Variants in COL4A2 observed in about 807,000 individuals in gnomAD.
The protein encoded by COL4A2 is collagen type IV alpha 2 chain.
Under a neutral mutation model 200.2 loss-of-function variants are expected in COL4A2, and 99 were observed. That is an observed-to-expected ratio of 0.49 (90% CI 0.42 to 0.58). COL4A2 has a LOEUF of 0.58. Ranked by LOEUF, COL4A2 falls within the 20% of genes least tolerant of loss-of-function variation. The pLI is 0.00. For missense variants in COL4A2, 1,950 were observed against 2,314.1 expected (o/e 0.84, Z 3.23); for synonymous variants, 897 against 900.6 (o/e 1.00, Z 0.07).
intron 40 of COL4A2, among the ~76,000 whole-genome samples, chr13:110,501,200 G>A (rs905172568): frequency 5.3e-5 from 8 of 152,236 alleles, no homozygotes; most frequent in African/African-American, 1.4e-4. Flanking sequence ...GCTGGGATCC[G>A]AGGCACTGGA....
Position 110,307,866 on chromosome 13 carries a change from T to A in COL4A2, c.-38T>A. The A allele has an allele frequency of 1.2e-6, 2 of 1,603,228 alleles. No homozygotes were observed. The highest frequency in any genetic ancestry group is 1.7e-6 in the Non-Finnish European group (2 of 1,174,416). On this transcript the variant is annotated 5_prime_UTR_variant, in exon 2 of 48. Transcript: ENST00000360467. The surrounding 1 kb of genome is among the most constrained non-coding windows in gnomAD (Gnocchi z 5.0). ...CTTTGTCTGTCGCCTCTAGGCTAAG[T>A]GGGACTGACCGGGGCCCAGAGTGGA...
At chr13:110,393,131 A>G (rs1594188613) in intron 4 of COL4A2, among the ~76,000 whole-genome samples, 1 of 152,248 alleles carries the variant, frequency 6.6e-6, no homozygotes, top group Non-Finnish European at 1.5e-5. Flanking sequence ...TTGGCTTCAA[A>G]TCCCTTCTGG....
intron 4 of COL4A2, among the ~76,000 whole-genome samples, chr13:110,408,433 C>G (rs1307108719): frequency 6.6e-6 from 1 of 152,178 alleles, no homozygotes; most frequent in Non-Finnish European, 1.5e-5. Context: ...GAGAATGAAC[C>G]CACACTCTGG....
intron 3 of COL4A2, among the ~76,000 whole-genome samples, chr13:110,327,132 C>G (rs745892367): frequency 1.6e-4 from 25 of 152,156 alleles, no homozygotes; most frequent in Non-Finnish European, 3.4e-4. Flanking sequence ...ACCCCTCCTG[C>G]TCCAACTCTA....
chr13:110,358,329 A>T (rs1027697980), intron 4 of COL4A2, among the ~76,000 whole-genome samples: 1 of 152,186 alleles, frequency 6.6e-6, no homozygotes, highest in Non-Finnish European at 1.5e-5. Flanking sequence ...GTCCCACCAG[A>T]AGGTCTTCGG....
chr13:110,468,225 G>GT (rs1243427119), intron 27 of COL4A2: 1 of 471,342 alleles, frequency 2.1e-6, no homozygotes, highest in Non-Finnish European at 4.4e-6. Context: ...AAATGCAGAG[G>GT]TATCATTTGC....
intron 3 of COL4A2, among the ~76,000 whole-genome samples, chr13:110,346,546 C>G (rs780613861): frequency 6.6e-6 from 1 of 152,134 alleles, no homozygotes; most frequent in South Asian, 2.1e-4. Flanking sequence ...CATATTTCGA[C>G]GGGGCACCCT....
At chr13:110,430,501 C>G in intron 9 of COL4A2, 44 bp from the exon 10 acceptor site, 1 of 1,614,086 alleles carries the variant, frequency 6.2e-7, no homozygotes. Flanking sequence ...CTCCAAGTAC[C>G]AGTTTACCTC....
chr13:110,431,234 A>T (rs951192866), intron 10 of COL4A2, among the ~76,000 whole-genome samples: 2 of 152,174 alleles, frequency 1.3e-5, no homozygotes, highest in African/African-American at 4.8e-5. Flanking sequence ...GCCTTAACTT[A>T]CACAAGGAGC....
chr13:110,507,745 G>A, intron 46 of COL4A2, 190 bp from the exon 47 acceptor site: 1 of 609,154 alleles, frequency 1.6e-6, no homozygotes. Context: ...CAAAATGCCA[G>A]TGGAGTCTGA....
intron 31 of COL4A2, among the ~76,000 whole-genome samples, chr13:110,481,681 CATT>C (rs1566559616): frequency 3.4e-5 from 2 of 58,482 alleles, no homozygotes; most frequent in Non-Finnish European, 6.9e-5. Context: ...TCTGTCCTTC[CATT>C]GCTGGAGACA....
chr13:110,411,582 G>A (rs1396855174), intron 4 of COL4A2, among the ~76,000 whole-genome samples: 1 of 152,228 alleles, frequency 6.6e-6, no homozygotes, highest in African/African-American at 2.4e-5. Context: ...GAGCAGGGTA[G>A]GGTTAAAGCA....
chr13:110,393,503 T>C (rs1879068688), intron 4 of COL4A2, among the ~76,000 whole-genome samples: 1 of 152,266 alleles, frequency 6.6e-6, no homozygotes, highest in Non-Finnish European at 1.5e-5. Flanking sequence ...GATTTTATTA[T>C]TGGATTTTAG....
intron 4 of COL4A2, among the ~76,000 whole-genome samples, chr13:110,404,287 G>A (rs572790052): frequency 1.3e-5 from 2 of 152,284 alleles, no homozygotes; most frequent in East Asian, 1.9e-4. Flanking sequence ...TTTAGATGCC[G>A]ACTCATATTT....
intron 4 of COL4A2, among the ~76,000 whole-genome samples, chr13:110,402,727 T>C (rs982239656): frequency 1.3e-5 from 2 of 152,234 alleles, no homozygotes; most frequent in Non-Finnish European, 2.9e-5. Context: ...GAGGAGCCCC[T>C]CTCCCACAAC....
In COL4A2 at chr13:110,512,397, A is replaced by G. The variant is rs1457829996; in HGVS notation, c.*206A>G. The stretch of plus-strand genomic sequence containing the variant: ...GGTCCCTGGAGGGCAAGCCCTGCCC[A>G]CAGAAAGCCAGGAGCAGCCCTGGCC... On this transcript the variant is annotated 3_prime_UTR_variant, in exon 48 of 48. Coordinates refer to ENST00000360467, the MANE Select transcript of COL4A2 (RefSeq NM_001846.4). 8 of 848,926 alleles carry G rather than the reference A, an allele frequency of 9.4e-6. No homozygotes were observed. The East Asian group carries it at 2.2e-4, about 23-fold the overall frequency. The allele number at this position is 848,926 out of a possible 1,614,324, so 52.6% of individuals were successfully genotyped here.
chr13:110,360,868 G>C (rs1877485161), intron 4 of COL4A2, among the ~76,000 whole-genome samples: 1 of 151,978 alleles, frequency 6.6e-6, no homozygotes, highest in Non-Finnish European at 1.5e-5. Context: ...GGCTGTACCT[G>C]TACCTCTGGG....
chr13:110,450,374 T>A lies in COL4A2; in HGVS notation c.1259T>A (p.Leu420His). The A allele has an allele frequency of 6.2e-7, 1 of 1,613,752 alleles. No homozygotes were observed. The highest frequency in any genetic ancestry group is 8.5e-7 in the Non-Finnish European group (1 of 1,179,766). ...ATCGGAGACCCCGGCATCCCTGCGC[T>A]CTACGGGGGCCCACCTGGACCTGAT... ...GFIGDPGIPALYGGPPGPDGK... is the reference protein window; with the variant it reads ...GFIGDPGIPAHYGGPPGPDGK... The change falls in exon 20 of 48, where the codon CTC becomes CAC. Residue 420 changes from leucine to histidine, a missense_variant. By Grantham distance (99) the Leu-to-His change is moderately conservative. Transcript: ENST00000360467.
At chr13:110,395,328 T>C (rs1264906866) in intron 4 of COL4A2, among the ~76,000 whole-genome samples, 1 of 152,160 alleles carries the variant, frequency 6.6e-6, no homozygotes, top group East Asian at 1.9e-4. Flanking sequence ...ACTGCCATGT[T>C]GTGTGACAGA....
Sources: gnomAD v4.1 joint callset for allele counts (sites outside exome capture counted in the v4.1 genomes callset) on GRCh38, gnomAD v4.1.1 for gene constraint, Gnocchi (gnomAD v3.1) non-coding constraint, MANE v1.5 for transcripts, NCBI Gene and HGNC (gene_info 2026-07-23, HGNC 2026-07-21) for gene names.